PRKG1: variants seen among roughly 807,000 people sequenced by gnomAD.
PRKG1 encodes the protein protein kinase cGMP-dependent 1.
Under a neutral mutation model 88.1 loss-of-function variants are expected in PRKG1, and 35 were observed. The observed-to-expected ratio is 0.40, with a 90% CI of 0.30 to 0.53. The LOEUF (loss-of-function observed/expected upper bound fraction) is 0.53, where lower values mean the gene tolerates loss of function less well. Among genes scored for constraint, PRKG1 ranks in the 20% least tolerant of loss-of-function variants. The pLI is 0.59. For synonymous variants in PRKG1, 303 were observed against 292.5 expected, an observed-to-expected ratio of 1.04 and a Z score of -0.37; for missense variants, 540 against 839.8, an observed-to-expected ratio of 0.64 and a Z score of 4.41.
intron 1 of PRKG1, among the ~76,000 whole-genome samples, chr10:51,026,579 C>G (rs907980095): frequency 8.5e-5 from 13 of 152,160 alleles, no homozygotes; most frequent in African/African-American, 2.9e-4. Context: ...AGTGAGCACT[C>G]TTGACTCATG....
At chr10:51,698,864 A>C in intron 3 of PRKG1, 1 of 1,614,164 alleles carries the variant, frequency 6.2e-7, no homozygotes, top group Non-Finnish European at 8.5e-7. Flanking sequence ...CTGCTGGTTC[A>C]GCAGAACATT....
At chr10:52,062,698 A>G in intron 7 of PRKG1, 67 bp downstream of exon 7, 1 of 1,195,778 alleles carries the variant, frequency 8.4e-7, no homozygotes, top group South Asian at 1.3e-5. Flanking sequence ...TGAAATTTTG[A>G]GCTCCTAGCA....
At chr10:51,577,548 T>C (rs1837919389) in intron 3 of PRKG1, among the ~76,000 whole-genome samples, 2 of 152,052 alleles carry the variant, frequency 1.3e-5, no homozygotes. Flanking sequence ...AATTGCATCA[T>C]GATAGAGGAT....
intron 5 of PRKG1, among the ~76,000 whole-genome samples, chr10:51,940,758 C>T (rs1400579600): frequency 2.0e-5 from 3 of 151,916 alleles, no homozygotes; most frequent in Non-Finnish European, 2.9e-5. Flanking sequence ...CCTTAACTTT[C>T]GTCTTCTTCT....
intron 5 of PRKG1, among the ~76,000 whole-genome samples, chr10:51,959,443 G>A (rs1478318979): frequency 6.6e-6 from 1 of 152,154 alleles, no homozygotes; most frequent in Non-Finnish European, 1.5e-5. Flanking sequence ...AGGTGGAAAT[G>A]TAGAGTACGT....
chr10:51,732,035 T>TTTCCTTCC (rs367570976), intron 3 of PRKG1, among the ~76,000 whole-genome samples: 232 of 133,806 alleles, frequency 1.7e-3, no homozygotes, highest in Non-Finnish European at 3.0e-3. Flanking sequence ...TCCTTCCTTC[T>TTTCCTTCC]TTCCTTCCTT....
chr10:52,248,169 A>G (rs1220648270), intron 9 of PRKG1, among the ~76,000 whole-genome samples: 1 of 152,184 alleles, frequency 6.6e-6, no homozygotes, highest in Non-Finnish European at 1.5e-5. Flanking sequence ...CCTGGCCCTC[A>G]TTCCTGTAAA....
At chr10:51,873,925 T>A (rs1344432921) in intron 4 of PRKG1, among the ~76,000 whole-genome samples, 1 of 150,960 alleles carries the variant, frequency 6.6e-6, no homozygotes, top group Non-Finnish European at 1.5e-5. Flanking sequence ...GCATTTTTTT[T>A]AAAACAAGTC....
chr10:52,073,832 T>C (rs756847853), intron 7 of PRKG1, among the ~76,000 whole-genome samples: 5 of 152,160 alleles, frequency 3.3e-5, no homozygotes, highest in Non-Finnish European at 7.3e-5. Context: ...AGAGAAAACA[T>C]AATGCATAAA....
chr10:51,461,509 C>T (rs948643379), intron 2 of PRKG1, among the ~76,000 whole-genome samples: 6 of 152,176 alleles, frequency 3.9e-5, no homozygotes, highest in South Asian at 2.1e-4. Context: ...AAAATAGGGC[C>T]GTTTCTCACA....
At chr10:51,394,487 T>C (rs1837525012) in intron 2 of PRKG1, among the ~76,000 whole-genome samples, 1 of 152,164 alleles carries the variant, frequency 6.6e-6, no homozygotes, top group South Asian at 2.1e-4. Flanking sequence ...CCATGTCCTG[T>C]TGATTAGCAA....
intron 4 of PRKG1, among the ~76,000 whole-genome samples, chr10:51,896,632 A>G (rs1841853189): frequency 7.3e-6 from 1 of 137,708 alleles, no homozygotes; most frequent in African/African-American, 2.7e-5. Context: ...TGACAGAGCG[A>G]GACCCTGTCT....
chr10:51,171,574 G>A (rs2132008543), intron 2 of PRKG1, among the ~76,000 whole-genome samples: 1 of 152,188 alleles, frequency 6.6e-6, no homozygotes, highest in Non-Finnish European at 1.5e-5. Flanking sequence ...AGGGCAGATA[G>A]CTTCATGCCC....
At chr10:51,891,247 G>T (rs1841713804) in intron 4 of PRKG1, among the ~76,000 whole-genome samples, 1 of 152,150 alleles carries the variant, frequency 6.6e-6, no homozygotes, top group Non-Finnish European at 1.5e-5. Flanking sequence ...CAGGGTGACA[G>T]GGTGAGACCT....
At chr10:51,134,424 G>T (rs1004340893) in intron 1 of PRKG1, among the ~76,000 whole-genome samples, 2 of 152,042 alleles carry the variant, frequency 1.3e-5, no homozygotes, top group South Asian at 4.1e-4. Context: ...ATCTCTTATA[G>T]CTCAAATACC....
intron 3 of PRKG1, among the ~76,000 whole-genome samples, chr10:51,772,743 AGC>A (rs1301910990): frequency 3.7e-4 from 57 of 152,178 alleles, no homozygotes; most frequent in African/African-American, 1.3e-3. Flanking sequence ...TTTTAGTGGA[AGC>A]ATCTCATCAA....
chr10:52,265,469 G>T (rs369690596), intron 10 of PRKG1, among the ~76,000 whole-genome samples: 4 of 151,978 alleles, frequency 2.6e-5, no homozygotes, highest in Admixed American at 2.0e-4. Context: ...AATAAGCTAC[G>T]AGCTCTTAAT....
At chr10:51,817,112 T>G (rs1403021667) in intron 4 of PRKG1, among the ~76,000 whole-genome samples, 2 of 152,204 alleles carry the variant, frequency 1.3e-5, no homozygotes, top group Non-Finnish European at 2.9e-5. Context: ...CGTTGAACTC[T>G]GTACACTTAG....
At chr10:51,389,352 C>T (rs1837337976) in intron 2 of PRKG1, among the ~76,000 whole-genome samples, 2 of 152,092 alleles carry the variant, frequency 1.3e-5, no homozygotes, top group Non-Finnish European at 2.9e-5. Context: ...GCGGTCAGTC[C>T]TGGTTAGGAA....
Sources: gnomAD v4.1 joint callset for allele counts (sites outside exome capture counted in the v4.1 genomes callset) on GRCh38, gnomAD v4.1.1 for gene constraint, MANE v1.5 for transcripts, NCBI Gene and HGNC (gene_info 2026-07-23, HGNC 2026-07-21) for gene names.